CRYBG1: variants seen among roughly 807,000 people sequenced by gnomAD.
CRYBG1 encodes beta/gamma crystallin domain-containing protein 1.
CRYBG1 carries 139 observed loss-of-function variants against 189.2 expected under a neutral mutation model. The ratio of observed to expected loss-of-function variants is 0.73; its 90% CI spans 0.64 to 0.85. The LOEUF (loss-of-function observed/expected upper bound fraction) is 0.85. CRYBG1 is among the 40% of genes least tolerant of loss of function. The pLI is 0.00. For synonymous variants in CRYBG1, 1,023 were observed against 1,017.1 expected (o/e 1.01, Z -0.11); for missense variants, 2,611 against 2,675.8 (o/e 0.98, Z 0.53).
intron 1 of CRYBG1, among the ~76,000 whole-genome samples, chr6:106,368,278 C>T (rs1202684662): frequency 1.3e-5 from 2 of 148,584 alleles, no homozygotes; most frequent in Non-Finnish European, 1.5e-5. Context: ...CACACACATA[C>T]ACACACACAC....
chr6:106,532,763 G>A lies in CRYBG1; in HGVS notation c.4718+2448G>A, dbSNP rs557119627. ...TTTGAGTTATATCATTTGGTACCCC[G>A]TAGTCCTTGAAAGGCTCTGAAATTT... On this transcript the variant is annotated intron_variant, in intron 8 of 21. Transcript: ENST00000633556. 3.9e-5 allele frequency among the ~76,000 whole-genome samples: 6 copies of A among 152,166 alleles called. No individual in the cohort carries two copies. In the South Asian group the frequency reaches 6.2e-4, roughly 16 times the overall value.
intron 1 of CRYBG1, among the ~76,000 whole-genome samples, chr6:106,413,602 C>T (rs532023482): frequency 2.2e-4 from 34 of 151,958 alleles, no homozygotes; most frequent in African/African-American, 7.2e-4. Flanking sequence ...ACTTGAACCT[C>T]GGAAGCAGCG....
At chr6:106,407,594 A>G (rs574116384) in intron 1 of CRYBG1, among the ~76,000 whole-genome samples, 5 of 152,250 alleles carry the variant, frequency 3.3e-5, no homozygotes, top group Admixed American at 1.3e-4. Context: ...GCACCACATC[A>G]CACTTATTCT....
chr6:106,543,572 G>C lies in CRYBG1; in HGVS notation c.5014G>C (p.Gly1672Arg), dbSNP rs775088200. 6.2e-7 allele frequency: 1 copy of C among 1,613,992 alleles called. No individual in the cohort carries two copies. The highest frequency in any genetic ancestry group is 1.7e-5 in the Admixed American group (1 of 60,016). Residue 1672 changes from glycine (G) to arginine (R), a missense_variant, in exon 11 of 22, where the codon GGG becomes CGG. Gly to Arg is a moderately radical substitution (Grantham distance 125). This residue lies in a region of CRYBG1 where 1,622 missense variants were observed against 1,735.0 expected (regional missense o/e 0.93). Transcript: ENST00000633556. ...CGATCATTTGCCGTTTACGTCAGTG[G>C]GGTCTATGAAAGTTCTAAGAGGCAT... Reference protein sequence around the residue: ...GDDHLPFTSVGSMKVLRGIWV... With the variant: ...GDDHLPFTSVRSMKVLRGIWV...
intron 9 of CRYBG1, among the ~76,000 whole-genome samples, chr6:106,540,106 T>C (rs965278129): frequency 2.0e-5 from 3 of 152,094 alleles, no homozygotes; most frequent in African/African-American, 7.2e-5. Context: ...CAGATGAGTG[T>C]TGTCCTCCTG....
chr6:106,396,084 T>C (rs1757923625), intron 1 of CRYBG1, among the ~76,000 whole-genome samples: 1 of 152,208 alleles, frequency 6.6e-6, no homozygotes, highest in Non-Finnish European at 1.5e-5. Flanking sequence ...TCCCTAGATA[T>C]AAGAGCTTAT....
At chr6:106,500,997 C>T (rs2114509311) in intron 2 of CRYBG1, among the ~76,000 whole-genome samples, 1 of 152,210 alleles carries the variant, frequency 6.6e-6, no homozygotes, top group Middle Eastern at 3.4e-3. Flanking sequence ...TGTTGATAGG[C>T]TGGAGGATAA....
chr6:106,566,587 T>C (rs993762791), intron 21 of CRYBG1, among the ~76,000 whole-genome samples: 6 of 146,068 alleles, frequency 4.1e-5, no homozygotes, highest in Non-Finnish European at 7.5e-5. Flanking sequence ...TTCTCCTGCC[T>C]TAGCCTCCTG....
chr6:106,512,052 C>T lies in CRYBG1; in HGVS notation c.935C>T (p.Ala312Val), dbSNP rs769736602. Reference protein sequence around the residue: ...QERPAGGLGEAPNGAPSVCAE... With the variant: ...QERPAGGLGEVPNGAPSVCAE... The stretch of plus-strand genomic sequence containing the variant: ...CGGCCCGCGGGAGGACTAGGCGAGG[C>T]CCCTAACGGAGCCCCCAGTGTGTGT... The change falls in exon 3 of 22, where the codon GCC (alanine) becomes GTC (valine). Residue 312 changes from alanine to valine, a missense_variant. Coordinates refer to ENST00000633556, the MANE Select transcript of CRYBG1 (RefSeq NM_001371242.2). 3 of 1,532,754 alleles carry T rather than the reference C, an allele frequency of 2.0e-6. No homozygotes were observed. The highest frequency in any genetic ancestry group is 2.4e-5 in the East Asian group (1 of 40,842). 94.9% of individuals were successfully genotyped at this position (1,532,754 alleles called of 1,614,324 possible).
At chr6:106,471,466 C>T (rs1279077678) in intron 2 of CRYBG1, among the ~76,000 whole-genome samples, 1 of 152,162 alleles carries the variant, frequency 6.6e-6, no homozygotes, top group East Asian at 1.9e-4. Flanking sequence ...TATTCGGGAT[C>T]ATATCTATTT....
At position 106,512,363 on chromosome 6, in the gene CRYBG1, C is replaced by A. The variant is rs555538027; in HGVS notation, c.1246C>A (p.Arg416Ser). Residue 416 changes from arginine (R) to serine (S), a missense_variant, in exon 3 of 22, where the codon CGT (arginine) becomes AGT (serine). Physicochemically the swap from Arg to Ser is moderately radical, Grantham distance 110. Coordinates refer to ENST00000633556, the MANE Select transcript of CRYBG1 (RefSeq NM_001371242.2). ...WDDMEKRSSG[R>S]RSGRRRGSQK... ...CGACATGGAGAAGAGGTCCAGCGGC[C>A]GTAGGTCGGGGAGGCGGAGGGGGTC... 1.9e-6 allele frequency: 3 copies of A among 1,611,414 alleles called. No homozygotes were observed. Among genetic ancestry groups the A allele is most frequent in the African/African-American group, 2.7e-5 (2 of 75,032 alleles).
chr6:106,539,627 G>T, intron 9 of CRYBG1, 98 bp downstream of exon 9: 9 of 1,319,804 alleles, frequency 6.8e-6, no homozygotes, highest in African/African-American at 3.1e-5. Context: ...TGACTTTTAA[G>T]AAACAAATTT....
chr6:106,524,149 T>G (rs1381291707), intron 4 of CRYBG1, among the ~76,000 whole-genome samples: 1 of 152,242 alleles, frequency 6.6e-6, no homozygotes, highest in South Asian at 2.1e-4. Context: ...TTTTGTAATA[T>G]TTTTACATGT....
At chr6:106,426,454 G>A (rs560496134) in intron 1 of CRYBG1, among the ~76,000 whole-genome samples, 6 of 152,066 alleles carry the variant, frequency 3.9e-5, no homozygotes, top group South Asian at 2.1e-4. Flanking sequence ...TGCTATTTTC[G>A]TTTCCTCTTA....
At chr6:106,551,718 TGG>T in intron 13 of CRYBG1, 132 bp from the exon 14 acceptor site, 2 of 969,294 alleles carry the variant, frequency 2.1e-6, no homozygotes, top group Non-Finnish European at 3.2e-6. Flanking sequence ...TAAAGGTTAA[TGG>T]AGAATCAGAA....
In CRYBG1 at chr6:106,511,736, C is replaced by A. The variant is rs1026652609; in HGVS notation, c.619C>A (p.Pro207Thr). Residue 207 changes from proline (P) to threonine (T), a missense_variant, in exon 3 of 22, where the codon CCT (proline) becomes ACT (threonine). Pro to Thr is a conservative substitution (Grantham distance 38). Transcript: ENST00000633556. ...CGAGAGCGGTGGCCCCGCAGCCCCC[C>A]CTGACGCCGAGCTGTCACCTCGCTG... ...LPESGGPAAPPDAELSPRWSS... is the reference protein window; with the variant it reads ...LPESGGPAAPTDAELSPRWSS... The A allele has an allele frequency of 1.2e-5, 19 of 1,535,318 alleles. No homozygotes were observed. The highest frequency in any genetic ancestry group is 1.6e-5 in the Non-Finnish European group (18 of 1,146,614).
chr6:106,520,803 C>G lies in CRYBG1; in HGVS notation c.3595C>G (p.Leu1199Val), dbSNP rs1419923446. 1 of 1,614,006 alleles carries G rather than the reference C, an allele frequency of 6.2e-7. No individual in the cohort carries two copies. The highest frequency in any genetic ancestry group is 8.5e-7 in the Non-Finnish European group (1 of 1,180,028). The change falls in exon 4 of 22, where the codon CTC becomes GTC. Residue 1199 changes from leucine to valine, a missense_variant. Around this residue, in one of 3 missense-constraint regions of CRYBG1, gnomAD observed 1,622 missense variants for 1,735.0 expected, o/e 0.93. Transcript: ENST00000633556. Reference sequence around the variant, plus strand: ...ACGTGCATCTGCTGAACAGAGCGTCCTCTTCAAGTCCCTGCACACCAACAC... The same window carrying G: ...ACGTGCATCTGCTGAACAGAGCGTCGTCTTCAAGTCCCTGCACACCAACAC... ...PKRASAEQSV[L>V]FKSLHTNTNG...
intron 2 of CRYBG1, among the ~76,000 whole-genome samples, chr6:106,472,046 T>C (rs530121962): frequency 2.0e-5 from 3 of 152,354 alleles, no homozygotes; most frequent in South Asian, 2.1e-4. Flanking sequence ...CATATGAATA[T>C]GGCTTTAGCT....
chr6:106,416,904 G>A (rs1771031490), intron 1 of CRYBG1, among the ~76,000 whole-genome samples: 1 of 151,580 alleles, frequency 6.6e-6, no homozygotes, highest in Admixed American at 6.6e-5. Context: ...GACATTATGG[G>A]GATTTTATTT....
Sources: gnomAD v4.1 joint callset for allele counts (sites outside exome capture counted in the v4.1 genomes callset) on GRCh38, gnomAD v4.1.1 for gene constraint, gnomAD v4.1.1 regional missense constraint, MANE v1.5 for transcripts, NCBI Gene and HGNC (gene_info 2026-07-23, HGNC 2026-07-21) for gene names.